The following NKAPD1 variants were observed in gnomAD, a reference collection of about 807,000 sequenced individuals.
NKAPD1 encodes the protein NKAP domain containing 1.
NKAPD1 carries 12 observed loss-of-function variants against 30.9 expected under a neutral mutation model. The ratio of observed to expected loss-of-function variants is 0.39; its 90% confidence interval spans 0.25 to 0.63. The LOEUF is 0.63. Ranked by LOEUF, NKAPD1 falls within the 20% of genes least tolerant of loss-of-function variation. The pLI, the probability that NKAPD1 is intolerant of heterozygous loss-of-function variation, is 0.51. For synonymous variants in NKAPD1, 91 were observed against 113.6 expected, an observed-to-expected ratio of 0.80 and a Z score of 1.26; for missense variants, 311 against 344.5, an observed-to-expected ratio of 0.90 and a Z score of 0.77.
In NKAPD1 at chr11:112,082,581, A is replaced by G. The variant is rs1482417541; in HGVS notation, c.491A>G (p.Lys164Arg). The G allele has an allele frequency of 4.3e-6, 7 of 1,613,464 alleles. No individual in the cohort carries two copies. The Admixed American group carries it at 1.2e-4, about 27-fold the overall frequency. The part of the protein sequence containing the change: ...SKKSHKKKQK[K>R]RSHKKQKKSK... Reference sequence around the variant, plus strand: ...AAATCCCACAAAAAAAAGCAGAAAAAAAGGTCACACAAAAAACAGAAGAAA... The same window carrying G: ...AAATCCCACAAAAAAAAGCAGAAAAGAAGGTCACACAAAAAACAGAAGAAA... Residue 164 changes from lysine to arginine, a missense_variant, in exon 6 of 6, where the codon AAA becomes AGA. Coordinates refer to ENST00000393047, the MANE Select transcript of NKAPD1 (RefSeq NM_018195.4).
chr11:112,080,310 T>C (rs1865420160), intron 3 of NKAPD1, 99 bp from the exon 4 acceptor site: 4 of 1,118,710 alleles, frequency 3.6e-6, no homozygotes, highest in Non-Finnish European at 5.2e-6. Flanking sequence ...GTTGTTTCCT[T>C]CCCCCTCAGC....
intron 1 of NKAPD1, among the ~76,000 whole-genome samples, chr11:112,075,198 C>T (rs1865290790): frequency 1.3e-5 from 2 of 152,128 alleles, no homozygotes; most frequent in African/African-American, 4.8e-5. Context: ...ACATCATTTG[C>T]CTGGGACTAT....
At position 112,081,611 on chromosome 11, in the gene NKAPD1, C is replaced by A. The variant is rs563050482; in HGVS notation, c.321-371C>A. ...TCACGCCACTGCACTCCAGCCTGGG[C>A]AAGAGTGAGACTCCATCTCAAAAAA... On this transcript the variant is annotated intron_variant, in intron 4 of 5. Transcript: ENST00000393047. The A allele has an allele frequency of 1.8e-3, 292 of 163,038 alleles. 1 individual carries two copies. Among genetic ancestry groups the A allele is most frequent in the African/African-American group, 9.0e-3 (272 of 30,228 alleles). 10.1% of individuals were successfully genotyped at this position (163,038 alleles called of 1,614,324 possible). A position where few individuals can be genotyped will look rare whatever the true frequency, so the allele number is the denominator to read the frequency against.
At position 112,082,655 on chromosome 11, in the gene NKAPD1, T is replaced by A. The variant is rs1341340996; in HGVS notation, c.565T>A (p.Ser189Thr). 2 of 1,614,022 alleles carry A rather than the reference T, an allele frequency of 1.2e-6. No homozygotes were observed. The highest frequency in any genetic ancestry group is 3.3e-5 in the Admixed American group (2 of 60,008). ...AACAGCAGATTCCTCGAGTGAGTTC[T>A]CAGAAGAAACTGGGGCTTCTGGTAC... ...DITADSSSEF[S>T]EETGASGTRK... The change falls in exon 6 of 6, where the codon TCA becomes ACA. Residue 189 changes from serine to threonine, a missense_variant. Transcript: ENST00000393047.
intron 3 of NKAPD1, among the ~76,000 whole-genome samples, chr11:112,079,818 T>G (rs1865407224): frequency 6.6e-6 from 1 of 151,838 alleles, no homozygotes. Flanking sequence ...TTTTTTCTTT[T>G]TTTTTTTTCC....
At chr11:112,077,627 T>C (rs1865356672) in intron 2 of NKAPD1, among the ~76,000 whole-genome samples, 1 of 152,232 alleles carries the variant, frequency 6.6e-6, no homozygotes, top group South Asian at 2.1e-4. Flanking sequence ...CATTATCATT[T>C]GCTAATCGCA....
At chr11:112,076,851 A>G (rs909673562) in intron 2 of NKAPD1, among the ~76,000 whole-genome samples, 2 of 152,210 alleles carry the variant, frequency 1.3e-5, no homozygotes, top group African/African-American at 4.8e-5. Context: ...TAATTGAGAT[A>G]AAGAACAAAA....
rs1219946439 is a variant in NKAPD1 at position 112,084,969 on chromosome 11, T to C, written c.*1997T>C. ...TAGGGTGGTTTTTCAAAACCTACAATCCCCCATTTGCACTACTGGCCATGG... is the reference window on the plus strand; with the variant it reads ...TAGGGTGGTTTTTCAAAACCTACAACCCCCCATTTGCACTACTGGCCATGG... On this transcript the variant is annotated 3_prime_UTR_variant, in exon 6 of 6. Coordinates refer to ENST00000393047, the MANE Select transcript of NKAPD1 (RefSeq NM_018195.4). 5.1e-6 allele frequency: 1 copy of C among 197,404 alleles called. No individual in the cohort carries two copies. The highest frequency in any genetic ancestry group is 5.8e-5 in the Admixed American group (1 of 17,382). 12.2% of individuals were successfully genotyped at this position (197,404 alleles called of 1,614,324 possible).
At chr11:112,081,788 G>T (rs543884682) in intron 4 of NKAPD1, 194 bp from the exon 5 acceptor site, 3 of 538,728 alleles carry the variant, frequency 5.6e-6, no homozygotes, top group Non-Finnish European at 9.9e-6. Context: ...AAATAATCTT[G>T]TATGTCTGAA....
At chr11:112,080,287 T>TTAA in intron 3 of NKAPD1, 122 bp from the exon 4 acceptor site, 39 of 822,374 alleles carry the variant, frequency 4.7e-5, no homozygotes, top group South Asian at 1.8e-4. Context: ...TTTTTTTTTT[T>TTAA]AAACAGTATC....
At position 112,074,329 on chromosome 11, in the gene NKAPD1, A is replaced by AC. The variant is rs2135235361; in HGVS notation, c.-590dup. 2 of 396,974 alleles carry AC rather than the reference A, an allele frequency of 5.0e-6. No individual in the cohort carries two copies. Among genetic ancestry groups the AC allele is most frequent in the East Asian group, 3.6e-5 (1 of 27,996 alleles). The allele number at this position is 396,974 out of a possible 1,614,324, so 24.6% of individuals were successfully genotyped here. Reference sequence around the variant, plus strand: ...TCTCCCAAACCACTTCTTCCCCCCTACCCCCCGCCACGCGAGGCTGCGGCG... The same window carrying AC: ...TCTCCCAAACCACTTCTTCCCCCCTACCCCCCCGCCACGCGAGGCTGCGGCG... On this transcript the variant is annotated 5_prime_UTR_variant, in exon 1 of 6. Transcript: ENST00000393047.
intron 3 of NKAPD1, among the ~76,000 whole-genome samples, chr11:112,078,911 C>T (rs1487336285): frequency 6.6e-6 from 1 of 152,152 alleles, no homozygotes; most frequent in Admixed American, 6.5e-5. Context: ...TTTCACATTA[C>T]CTTAATAGCT....
chr11:112,079,531 C>T (rs1865400293), intron 3 of NKAPD1, among the ~76,000 whole-genome samples: 1 of 152,162 alleles, frequency 6.6e-6, no homozygotes, highest in Non-Finnish European at 1.5e-5. Context: ...TGGTTCTCAA[C>T]TTTTTTCCTA....
chr11:112,083,196 A>AT lies in NKAPD1; in HGVS notation c.*226dup. 1.4e-5 allele frequency: 6 copies of AT among 415,362 alleles called. No individual in the cohort carries two copies. The highest frequency in any genetic ancestry group is 6.6e-5 in the South Asian group (1 of 15,148). 25.7% of individuals were successfully genotyped at this position (415,362 alleles called of 1,614,324 possible). ...TTTGTTATGAAGGTTTCTTGAAGAG[A>AT]TTATTTTTTTTTGCAATTAATTACG... On this transcript the variant is annotated 3_prime_UTR_variant, in exon 6 of 6. Transcript: ENST00000393047.
intron 3 of NKAPD1, among the ~76,000 whole-genome samples, chr11:112,078,657 T>C (rs1458031131): frequency 2.6e-5 from 4 of 152,208 alleles, no homozygotes; most frequent in Admixed American, 1.3e-4. Flanking sequence ...TCTCTATTAA[T>C]CTTTCATTCT....
At position 112,074,584 on chromosome 11, in the gene NKAPD1, A is replaced by T; in HGVS notation, c.-341A>T. 2.5e-6 allele frequency: 1 copy of T among 398,598 alleles called. No homozygotes were observed. The highest frequency in any genetic ancestry group is 4.4e-6 in the Non-Finnish European group (1 of 225,960). 24.7% of individuals were successfully genotyped at this position (398,598 alleles called of 1,614,324 possible). On this transcript the variant is annotated 5_prime_UTR_variant, in exon 1 of 6. Coordinates refer to ENST00000393047, the MANE Select transcript of NKAPD1 (RefSeq NM_018195.4). Reference sequence around the variant, plus strand: ...GCGTTCCCAGCCTTTCTGGGGAGTGAAACTTACCCCCGGGGTTCGTCCTAG... The same window carrying T: ...GCGTTCCCAGCCTTTCTGGGGAGTGTAACTTACCCCCGGGGTTCGTCCTAG...
chr11:112,082,418 G>T (rs370201256), intron 5 of NKAPD1, 47 bp from the exon 6 acceptor site: 11 of 1,381,116 alleles, frequency 8.0e-6, no homozygotes, highest in Non-Finnish European at 8.6e-6. Context: ...AAAATAATAC[G>T]CTTTTTTTTT....
In NKAPD1 at chr11:112,074,608, A is replaced by G; in HGVS notation, c.-317A>G. ...GAAACTTACCCCCGGGGTTCGTCCTAGAGGAGCGTGAGCGGGGAATGCCCA... is the reference window on the plus strand; with the variant it reads ...GAAACTTACCCCCGGGGTTCGTCCTGGAGGAGCGTGAGCGGGGAATGCCCA... On this transcript the variant is annotated 5_prime_UTR_variant, in exon 1 of 6. Coordinates refer to ENST00000393047, the MANE Select transcript of NKAPD1 (RefSeq NM_018195.4). 2.5e-6 allele frequency: 1 copy of G among 397,858 alleles called. No homozygotes were observed. The highest frequency in any genetic ancestry group is 4.4e-6 in the Non-Finnish European group (1 of 225,710). The allele number at this position is 397,858 out of a possible 1,614,324, so 24.6% of individuals were successfully genotyped here.
At chr11:112,080,326 C>A in intron 3 of NKAPD1, 83 bp from the exon 4 acceptor site, 1 of 1,306,976 alleles carries the variant, frequency 7.7e-7, no homozygotes, top group Non-Finnish European at 1.1e-6. Flanking sequence ...TCAGCTTGTT[C>A]CATGAGTTTT....
Sources: gnomAD v4.1 joint callset for allele counts (sites outside exome capture counted in the v4.1 genomes callset) on GRCh38, gnomAD v4.1.1 for gene constraint, MANE v1.5 for transcripts, NCBI Gene and HGNC (gene_info 2026-07-23, HGNC 2026-07-21) for gene names.